Variants in RUVBL1 observed in about 807,000 individuals in gnomAD.
RUVBL1 encodes the protein RuvB like AAA ATPase 1.
A neutral mutation model predicts 52.4 loss-of-function variants in RUVBL1; 4 were observed. The observed-to-expected ratio is 0.08, with a 90% CI of 0.04 to 0.17. The LOEUF (loss-of-function observed/expected upper bound fraction) is 0.17, where lower values mean the gene tolerates loss of function less well. Among genes scored for constraint, RUVBL1 ranks in the 10% least tolerant of loss-of-function variants. RUVBL1 has a pLI of 1.00. For synonymous variants in RUVBL1, 217 were observed against 214.4 expected (o/e 1.01, Z -0.10); for missense variants, 298 against 572.8 (o/e 0.52, Z 4.90).
Position 128,067,667 on chromosome 3 carries a change from G to A in RUVBL1, c.940-2447C>T. The A allele has an allele frequency of 3.6e-6, 5 of 1,372,352 alleles. No individual in the cohort carries two copies. The highest frequency in any genetic ancestry group is 5.1e-6 in the Non-Finnish European group (5 of 985,658). The allele number at this position is 1,372,352 out of a possible 1,614,324, so 85.0% of individuals were successfully genotyped here. The stretch of plus-strand genomic sequence containing the variant: ...TGATGAAAGTGTGACTGGTATAAGG[G>A]GTGTGGACTTGTCACCTCATCATAA... On this transcript the variant is annotated intron_variant, in intron 9 of 9. Transcript: ENST00000464873. This position sits in a 1 kb window ranked among gnomAD's most constrained non-coding sequence, Gnocchi z 4.1.
At chr3:128,065,306 C>A in intron 9 of RUVBL1, 2 of 595,378 alleles carry the variant, frequency 3.4e-6, no homozygotes, top group Non-Finnish European at 6.0e-6. Context: ...AGGTAAGATA[C>A]ATTTTTAAGT....
intron 1 of RUVBL1, among the ~76,000 whole-genome samples, chr3:128,136,636 A>C (rs1212421089): frequency 1.3e-5 from 2 of 151,750 alleles, no homozygotes; most frequent in Non-Finnish European, 1.5e-5. Flanking sequence ...AAAAAAAAAA[A>C]AAAACAATGA....
At chr3:128,083,024 G>A (rs1942528013) in intron 9 of RUVBL1, 2 of 155,288 alleles carry the variant, frequency 1.3e-5, no homozygotes, top group African/African-American at 2.4e-5. Context: ...TTATTTGCTT[G>A]ATAAATATGA....
chr3:128,128,002 T>TA (rs1553731146), upstream of RUVBL1, among the ~76,000 whole-genome samples: 1 of 142,390 alleles, frequency 7.0e-6, no homozygotes, highest in African/African-American at 2.6e-5. Context: ...GTCTCAAAAA[T>TA]AATAAATACA....
intron 1 of RUVBL1, among the ~76,000 whole-genome samples, chr3:128,152,888 T>TCCCCCCCGCCCCCCCCCCGC (rs1559843129): frequency 4.5e-5 from 1 of 22,362 alleles, no homozygotes; most frequent in Admixed American, 4.1e-4. Flanking sequence ...ATTTGCCCCC[T>TCCCCCCCGCCCCCCCCCCGC]CCCCCACGTC....
rs932128269 is a variant in RUVBL1 at position 128,119,233 on chromosome 3, G to A, written c.228+95C>T. ...TAAAAACATACATATAACCCATTTA[G>A]CTAAACAAAGACTAGTTAAGACATG... On this transcript the variant is annotated intron_variant, in intron 2 of 10. Coordinates refer to ENST00000322623, the MANE Select transcript of RUVBL1 (RefSeq NM_003707.3). 5 of 823,876 alleles carry A rather than the reference G, an allele frequency of 6.1e-6. No homozygotes were observed. The Admixed American group carries it at 1.3e-4, about 21-fold the overall frequency. 51.0% of individuals were successfully genotyped at this position (823,876 alleles called of 1,614,324 possible). A position where few individuals can be genotyped will look rare whatever the true frequency, so the allele number is the denominator to read the frequency against.
chr3:128,066,682 C>T (rs1941990696), intron 9 of RUVBL1: 2 of 459,140 alleles, frequency 4.4e-6, no homozygotes, highest in Non-Finnish European at 3.9e-6. Context: ...CCTCGGCCTC[C>T]CAAAGTGCTG....
At chr3:128,150,031 T>C (rs1490037890) in intron 1 of RUVBL1, among the ~76,000 whole-genome samples, 1 of 152,252 alleles carries the variant, frequency 6.6e-6, no homozygotes, top group Non-Finnish European at 1.5e-5. Context: ...CTGTTTTCTC[T>C]GTGCAGCACG....
intron 8 of RUVBL1, among the ~76,000 whole-genome samples, chr3:128,089,260 T>C (rs914130049): frequency 4.6e-5 from 7 of 152,234 alleles, no homozygotes; most frequent in East Asian, 1.9e-4. Flanking sequence ...GGGAGGAACC[T>C]TGCCAACCCA....
chr3:128,067,722 C>G lies in RUVBL1; in HGVS notation c.940-2502G>C. 5 of 928,352 alleles carry G rather than the reference C, an allele frequency of 5.4e-6. No individual in the cohort carries two copies. Among genetic ancestry groups the G allele is most frequent in the South Asian group, 4.9e-5 (3 of 60,634 alleles). 57.5% of individuals were successfully genotyped at this position (928,352 alleles called of 1,614,324 possible). On this transcript the variant is annotated intron_variant, in intron 9 of 9. Coordinates refer to the RUVBL1 transcript ENST00000464873. The surrounding 1 kb of genome is among the most constrained non-coding windows in gnomAD (Gnocchi z 4.1). ...TGGTCTGTGACGTGTGCAGATAGAT[C>G]GTCGTCCTTTAGGGGGCAGTTCAGA...
At chr3:128,065,085 T>C in exon 10 of RUVBL1, 1 of 1,590,592 alleles carries the variant, frequency 6.3e-7, no homozygotes, top group Non-Finnish European at 8.6e-7. Context: ...TGGATTTAAG[T>C]TTCAGAATGC....
intron 1 of RUVBL1, among the ~76,000 whole-genome samples, chr3:128,146,676 T>C (rs1427502837): frequency 6.6e-6 from 1 of 151,510 alleles, no homozygotes; most frequent in Non-Finnish European, 1.5e-5. Context: ...CATGTTTGCG[T>C]GTGCATCTGT....
In RUVBL1 at chr3:128,081,633, G is replaced by A; in HGVS notation, c.1212-224C>T. 1.9e-6 allele frequency: 1 copy of A among 529,528 alleles called. No homozygotes were observed. The highest frequency in any genetic ancestry group is 2.7e-5 in the South Asian group (1 of 36,650). The allele number at this position is 529,528 out of a possible 1,614,324, so 32.8% of individuals were successfully genotyped here. ...CAGGAGCCACCAAGAAGACATAAGT[G>A]CTATTCCCCAAATCTTTAGTACAGT... is the stretch of plus-strand genomic sequence containing the variant. On this transcript the variant is annotated intron_variant, in intron 10 of 10. Coordinates refer to ENST00000322623, the MANE Select transcript of RUVBL1 (RefSeq NM_003707.3). The surrounding 1 kb of genome is among the most constrained non-coding windows in gnomAD (Gnocchi z 4.8).
intron 8 of RUVBL1, among the ~76,000 whole-genome samples, chr3:128,088,803 T>C (rs1048010174): frequency 6.6e-6 from 1 of 152,178 alleles, no homozygotes; most frequent in Non-Finnish European, 1.5e-5. Context: ...AATATTTACT[T>C]AACAATCCAT....
chr3:128,109,882 C>T (rs1212205176), intron 3 of RUVBL1, among the ~76,000 whole-genome samples: 1 of 122,358 alleles, frequency 8.2e-6, no homozygotes, highest in African/African-American at 3.2e-5. Context: ...ATGGCATAAT[C>T]GCCACTCACT....
At chr3:128,113,978 G>A (rs2107708469) in intron 2 of RUVBL1, among the ~76,000 whole-genome samples, 1 of 152,364 alleles carries the variant, frequency 6.6e-6, no homozygotes, top group Non-Finnish European at 1.5e-5. Context: ...TTGAAGCTAT[G>A]AGTTGGTCTT....
chr3:128,153,607 G>A (rs1944296269), exon 1 of RUVBL1: 2 of 1,594,074 alleles, frequency 1.3e-6, no homozygotes, highest in South Asian at 1.1e-5. Context: ...AGCCTCCACC[G>A]CCGCCTTTGA....
intron 4 of RUVBL1, 81 bp from the exon 5 acceptor site, chr3:128,101,729 G>T: frequency 7.1e-7 from 1 of 1,399,632 alleles, no homozygotes. Context: ...TTCCGTAAGG[G>T]ATCTGAGGTA....
chr3:128,065,510 T>C (rs1267340414), intron 9 of RUVBL1, among the ~76,000 whole-genome samples: 1 of 152,192 alleles, frequency 6.6e-6, no homozygotes, highest in African/African-American at 2.4e-5. Context: ...ATTGTTTTCC[T>C]GTAATTGGAT....
Sources: allele counts gnomAD v4.1 joint callset (sites outside exome capture counted in the v4.1 genomes callset), GRCh38; gene constraint gnomAD v4.1.1; non-coding constraint Gnocchi (gnomAD v3.1); transcripts MANE v1.5; gene names NCBI Gene and HGNC (gene_info 2026-07-23, HGNC 2026-07-21).